Variants in ZC3H12B observed in about 807,000 individuals in gnomAD.
ZC3H12B encodes probable ribonuclease ZC3H12B.
A neutral mutation model predicts 43.9 loss-of-function variants in ZC3H12B; 7 were observed. The ratio of observed to expected loss-of-function variants is 0.16; its 90% CI spans 0.09 to 0.30. The LOEUF (loss-of-function observed/expected upper bound fraction) is 0.30. ZC3H12B is among the 10% of genes least tolerant of loss of function. ZC3H12B has a pLI of 1.00. For missense variants in ZC3H12B, 475 were observed against 670.2 expected, an observed-to-expected ratio of 0.71 and a Z score of 3.22; for synonymous variants, 222 against 241.7, an observed-to-expected ratio of 0.92 and a Z score of 0.76.
the ZC3H12B span, among the ~76,000 whole-genome samples, chrX:65,285,464 G>C: frequency 1.6e-4 from 18 of 111,074 alleles, no homozygotes; most frequent in African/African-American, 5.2e-4. Context: ...TCTAAAAACA[G>C]CAAGATAAAA....
At chrX:65,219,681 G>A in the ZC3H12B span, among the ~76,000 whole-genome samples, 14 of 111,102 alleles carry the variant, frequency 1.3e-4, no homozygotes, top group African/African-American at 3.9e-4. Context: ...AAGAATAATT[G>A]GTGTTCCAGA....
At chrX:65,479,961 A>T (rs2068044166) in intron 3 of ZC3H12B, among the ~76,000 whole-genome samples, 1 of 112,559 alleles carries the variant, frequency 8.9e-6, no homozygotes, top group African/African-American at 3.2e-5. Context: ...GATGAAGTAA[A>T]GTTACAAAGT....
chrX:65,043,854 G>T, the ZC3H12B span, among the ~76,000 whole-genome samples: 1 of 111,961 alleles, frequency 8.9e-6, no homozygotes, highest in Non-Finnish European at 1.9e-5. Context: ...AAGAAGCAAT[G>T]ATATAAATAT....
the ZC3H12B span, among the ~76,000 whole-genome samples, chrX:65,129,684 C>T: frequency 1.8e-5 from 2 of 110,933 alleles, no homozygotes; most frequent in African/African-American, 6.6e-5. Context: ...TCTCAGAGGC[C>T]TGACATTCCT....
chrX:65,132,786 T>A, the ZC3H12B span, among the ~76,000 whole-genome samples: 1 of 110,462 alleles, frequency 9.1e-6, no homozygotes, highest in African/African-American at 3.3e-5. Context: ...TAATGTGGAG[T>A]GGATAGCCTC....
the ZC3H12B span, among the ~76,000 whole-genome samples, chrX:65,222,444 C>A: frequency 9.1e-6 from 1 of 109,979 alleles, no homozygotes; most frequent in Non-Finnish European, 1.9e-5. Context: ...TTTAAAAATT[C>A]TAAAGACTTA....
the ZC3H12B span, among the ~76,000 whole-genome samples, chrX:65,353,645 C>A: frequency 8.9e-6 from 1 of 111,903 alleles, no homozygotes; most frequent in Non-Finnish European, 1.9e-5. Context: ...GGGTCTGAAG[C>A]CAGGGAGTCA....
the ZC3H12B span, among the ~76,000 whole-genome samples, chrX:65,243,088 C>T: frequency 2.7e-5 from 3 of 111,784 alleles, no homozygotes; most frequent in Non-Finnish European, 5.6e-5. Flanking sequence ...GAGTAAGACC[C>T]AAAAAGCACA....
chrX:65,382,056 T>A (rs983502057), intron 2 of ZC3H12B, among the ~76,000 whole-genome samples: 3 of 112,005 alleles, frequency 2.7e-5, no homozygotes, highest in Non-Finnish European at 5.6e-5. Context: ...CTTCTGAAAC[T>A]ATTCCAATCA....
At chrX:65,488,630 G>A, upstream of ZC3H12B, 2 of 468,144 alleles carry the variant, frequency 4.3e-6, no homozygotes, top group South Asian at 5.7e-5. Context: ...GATGTGGTAT[G>A]TGTGTTTATT....
intron 2 of ZC3H12B, among the ~76,000 whole-genome samples, chrX:65,380,964 G>C (rs1365639687): frequency 9.0e-6 from 1 of 111,482 alleles, no homozygotes; most frequent in African/African-American, 3.3e-5. Flanking sequence ...CAAGTCCTGA[G>C]TGACCTGCAA....
the ZC3H12B span, among the ~76,000 whole-genome samples, chrX:65,268,031 G>T: frequency 9.2e-6 from 1 of 108,730 alleles, no homozygotes; most frequent in Non-Finnish European, 1.9e-5. Flanking sequence ...GAATAACAAA[G>T]AAAAAAAGAC....
At chrX:65,311,986 G>C in the ZC3H12B span, among the ~76,000 whole-genome samples, 1 of 110,993 alleles carries the variant, frequency 9.0e-6, no homozygotes, top group African/African-American at 3.3e-5. Context: ...ACACCCCAGG[G>C]CCTGTCTGGG....
chrX:65,155,417 T>G, the ZC3H12B span, among the ~76,000 whole-genome samples: 1 of 112,081 alleles, frequency 8.9e-6, no homozygotes, highest in South Asian at 3.7e-4. Flanking sequence ...CCTGCATTCC[T>G]GGGCTAAACC....
chrX:65,079,897 C>G, the ZC3H12B span, among the ~76,000 whole-genome samples: 1 of 110,807 alleles, frequency 9.0e-6, no homozygotes, highest in Non-Finnish European at 1.9e-5. Flanking sequence ...AGGGGCTAAT[C>G]CCAATAAACA....
chrX:65,368,037 T>C (rs780217980), intron 1 of ZC3H12B, among the ~76,000 whole-genome samples: 1 of 112,238 alleles, frequency 8.9e-6, no homozygotes, highest in Non-Finnish European at 1.9e-5. Context: ...TGATCTGACT[T>C]CTAGATAGAA....
At chrX:65,390,347 A>G (rs923965572) in intron 2 of ZC3H12B, among the ~76,000 whole-genome samples, 6 of 111,102 alleles carry the variant, frequency 5.4e-5, no homozygotes, top group African/African-American at 2.0e-4. Context: ...TGGCACAAGT[A>G]TACATATGTA....
At chrX:65,457,620 G>A (rs1479715531) in intron 3 of ZC3H12B, among the ~76,000 whole-genome samples, 1 of 79,983 alleles carries the variant, frequency 1.3e-5, no homozygotes, top group Admixed American at 1.1e-4. Flanking sequence ...TTGTGGAATA[G>A]AAAGGCGGGA....
chrX:65,232,428 A>T, the ZC3H12B span, among the ~76,000 whole-genome samples: 2 of 111,416 alleles, frequency 1.8e-5, no homozygotes, highest in Non-Finnish European at 3.8e-5. Flanking sequence ...AAAAAGAACA[A>T]AAAGTCAGAA....
Sources: gnomAD v4.1 joint callset for allele counts (sites outside exome capture counted in the v4.1 genomes callset) on GRCh38, gnomAD v4.1.1 for gene constraint, MANE v1.5 for transcripts, NCBI Gene and HGNC (gene_info 2026-07-23, HGNC 2026-07-21) for gene names.